Variants in SH3BGR observed in about 807,000 individuals in gnomAD.
SH3BGR encodes SH3 domain binding glutamate rich protein, also known as SH3 domain-binding glutamic acid-rich protein.
A neutral mutation model predicts 24.5 loss-of-function variants in SH3BGR; 29 were observed. The ratio of observed to expected loss-of-function variants is 1.18; its 90% CI spans 0.88 to 1.61. The LOEUF (loss-of-function observed/expected upper bound fraction) is 1.61, where lower values mean the gene tolerates loss of function less well. Among genes scored for constraint, SH3BGR ranks in the 40% most tolerant of loss-of-function variants. The pLI, the probability that SH3BGR is intolerant of heterozygous loss-of-function variation, is 0.00. For synonymous variants in SH3BGR, 55 were observed against 65.7 expected, an observed-to-expected ratio of 0.84 and a Z score of 0.79; for missense variants, 162 against 205.8, an observed-to-expected ratio of 0.79 and a Z score of 1.30.
intron 3 of SH3BGR, among the ~76,000 whole-genome samples, chr21:39,476,197 A>G (rs1172278872): frequency 6.6e-6 from 1 of 152,158 alleles, no homozygotes; most frequent in Non-Finnish European, 1.5e-5. Flanking sequence ...AGAGTAGGGA[A>G]GGCAGGAGGA....
At chr21:39,475,640 A>C (rs1983292792) in intron 3 of SH3BGR, among the ~76,000 whole-genome samples, 1 of 152,240 alleles carries the variant, frequency 6.6e-6, no homozygotes, top group African/African-American at 2.4e-5. Context: ...AATGAACCAA[A>C]CTACATTTTG....
chr21:39,491,662 A>G (rs1272168825), intron 3 of SH3BGR: 1 of 227,648 alleles, frequency 4.4e-6, no homozygotes, highest in Non-Finnish European at 9.1e-6. Context: ...TTAATATTAT[A>G]AACTGCACAA....
intron 2 of SH3BGR, among the ~76,000 whole-genome samples, chr21:39,474,128 C>T (rs577244401): frequency 3.3e-5 from 5 of 151,978 alleles, no homozygotes; most frequent in Admixed American, 6.6e-5. Context: ...CCACCGTGCC[C>T]GGCTAATTTT....
intron 3 of SH3BGR, among the ~76,000 whole-genome samples, chr21:39,494,169 G>A (rs574832510): frequency 1.3e-5 from 2 of 151,706 alleles, no homozygotes; most frequent in Non-Finnish European, 2.9e-5. Context: ...ACGATCATGT[G>A]TATCACATTT....
intron 4 of SH3BGR, among the ~76,000 whole-genome samples, chr21:39,503,607 T>A (rs1473923732): frequency 6.6e-6 from 1 of 152,216 alleles, no homozygotes; most frequent in African/African-American, 2.4e-5. Flanking sequence ...TGCACACTTG[T>A]AGGCACTCAT....
chr21:39,473,119 C>T (rs1408716350), intron 2 of SH3BGR, among the ~76,000 whole-genome samples: 3 of 151,996 alleles, frequency 2.0e-5, no homozygotes, highest in Non-Finnish European at 2.9e-5. Context: ...TTATTTTCTA[C>T]ATATATTTGG....
intron 3 of SH3BGR, among the ~76,000 whole-genome samples, chr21:39,485,780 A>C (rs995276356): frequency 6.8e-6 from 1 of 146,608 alleles, no homozygotes; most frequent in Non-Finnish European, 1.5e-5. Flanking sequence ...CTCCACCTCC[A>C]GGGTTCACGC....
intron 3 of SH3BGR, among the ~76,000 whole-genome samples, chr21:39,495,997 A>C (rs2078388328): frequency 6.6e-6 from 1 of 152,210 alleles, no homozygotes; most frequent in Non-Finnish European, 1.5e-5. Context: ...AGTAGAAAGA[A>C]ACAAAACATA....
chr21:39,466,190 G>A (rs2077838840), intron 2 of SH3BGR, among the ~76,000 whole-genome samples: 1 of 152,200 alleles, frequency 6.6e-6, no homozygotes, highest in African/African-American at 2.4e-5. Flanking sequence ...CTGAGTTTGA[G>A]AGTGGCTAGT....
upstream of SH3BGR, among the ~76,000 whole-genome samples, chr21:39,449,050 C>T (rs187737997): frequency 2.6e-5 from 4 of 152,294 alleles, no homozygotes; most frequent in East Asian, 7.7e-4. Flanking sequence ...CTATAGTTCA[C>T]CTGTTGATAT....
intron 5 of SH3BGR, among the ~76,000 whole-genome samples, chr21:39,509,340 C>T (rs1165255275): frequency 6.6e-6 from 1 of 152,182 alleles, no homozygotes; most frequent in Non-Finnish European, 1.5e-5. Context: ...ATGCCTGCTC[C>T]TCGTCCTTTT....
At chr21:39,477,137 TTACACTGATG>T (rs1172579677) in intron 3 of SH3BGR, among the ~76,000 whole-genome samples, 2 of 152,204 alleles carry the variant, frequency 1.3e-5, no homozygotes, top group African/African-American at 4.8e-5. Context: ...TGATACTCTA[TTACACTGATG>T]TATCATAATT....
intron 3 of SH3BGR, among the ~76,000 whole-genome samples, chr21:39,487,677 C>T (rs940761838): frequency 5.9e-5 from 9 of 152,198 alleles, no homozygotes; most frequent in Non-Finnish European, 1.2e-4. Flanking sequence ...GAACACATTT[C>T]AGTCTAATGA....
intron 1 of SH3BGR, among the ~76,000 whole-genome samples, chr21:39,460,761 C>T (rs2148458662): frequency 6.6e-6 from 1 of 152,230 alleles, no homozygotes; most frequent in East Asian, 1.9e-4. Flanking sequence ...AGCCACCGCA[C>T]CCAGCCTTCT....
At position 39,485,507 on chromosome 21, in the gene SH3BGR, C is replaced by T. The variant is rs9982713; in HGVS notation, c.312+10292C>T. On this transcript the variant is annotated intron_variant, in intron 3 of 6. Transcript: ENST00000333634. ...AAATAAGACATTAAAATAACATCAA[C>T]AGTATTCCAGACAAAAATTACTATC... Among the ~76,000 whole-genome samples the T allele has an allele frequency of 4.2e-3, 641 of 152,216 alleles. 2 individuals carry two copies. Among genetic ancestry groups the T allele is most frequent in the Non-Finnish European group, 8.0e-3 (542 of 68,002 alleles).
At chr21:39,504,387 C>T (rs557435075) in intron 4 of SH3BGR, among the ~76,000 whole-genome samples, 11 of 152,314 alleles carry the variant, frequency 7.2e-5, no homozygotes, top group South Asian at 2.1e-4. Context: ...TTGCAGGTCA[C>T]GCTGGGCTAG....
At position 39,452,088 on chromosome 21, in the gene SH3BGR, A is replaced by C. The variant is rs145851832; in HGVS notation, c.-9A>C. On this transcript the variant is annotated 5_prime_UTR_variant, in exon 1 of 7. Transcript: ENST00000333634. ...TGTGTTGGGGGGAGTCCTCTTTCCAACTGTCGAAATGGTTATCAAAGTGTT... is the reference window on the plus strand; with the variant it reads ...TGTGTTGGGGGGAGTCCTCTTTCCACCTGTCGAAATGGTTATCAAAGTGTT... 5.4e-5 allele frequency: 87 copies of C among 1,613,940 alleles called. No individual in the cohort carries two copies. In the African/African-American group the frequency reaches 1.1e-3, roughly 20 times the overall value.
At chr21:39,485,709 A>G (rs1248984870) in intron 3 of SH3BGR, among the ~76,000 whole-genome samples, 1 of 137,270 alleles carries the variant, frequency 7.3e-6, no homozygotes, top group Non-Finnish European at 1.5e-5. Flanking sequence ...TTTTTTTGAG[A>G]CGGAGTCTCG....
chr21:39,456,066 C>G (rs528943946), intron 1 of SH3BGR, among the ~76,000 whole-genome samples: 1 of 152,252 alleles, frequency 6.6e-6, no homozygotes, highest in Admixed American at 6.5e-5. Flanking sequence ...TAAGTCAAGA[C>G]TTTTGGAAAT....
Sources: gnomAD v4.1 joint callset for allele counts (sites outside exome capture counted in the v4.1 genomes callset) on GRCh38, gnomAD v4.1.1 for gene constraint, MANE v1.5 for transcripts, NCBI Gene and HGNC (gene_info 2026-07-23, HGNC 2026-07-21) for gene names.